RFX4: variants seen among roughly 807,000 people sequenced by gnomAD.
RFX4 encodes transcription factor RFX4.
RFX4 carries 10 observed loss-of-function variants against 95.0 expected under a neutral mutation model. That is an observed-to-expected ratio of 0.11 (90% CI 0.06 to 0.18). The LOEUF (loss-of-function observed/expected upper bound fraction) is 0.18, where lower values mean the gene tolerates loss of function less well. Ranked by LOEUF, RFX4 falls within the 10% of genes least tolerant of loss-of-function variation. RFX4 has a pLI of 1.00. For missense variants in RFX4, 640 were observed against 922.0 expected (o/e 0.69, Z 3.96); for synonymous variants, 321 against 340.7 (o/e 0.94, Z 0.64).
chr12:106,734,440 A>G (rs891394368), intron 15 of RFX4, among the ~76,000 whole-genome samples: 6 of 151,964 alleles, frequency 3.9e-5, no homozygotes, highest in African/African-American at 4.8e-5. Context: ...TACTAAAAAT[A>G]CAAAAATTAG....
intron 7 of RFX4, among the ~76,000 whole-genome samples, chr12:106,691,838 C>G (rs1359264598): frequency 1.3e-5 from 2 of 152,140 alleles, no homozygotes; most frequent in African/African-American, 2.4e-5. Context: ...ATGCCATTGA[C>G]TTATAACATT....
chr12:106,761,068 A>G (rs2043200890), intron 17 of RFX4, 129 bp from the exon 18 acceptor site: 6 of 1,000,982 alleles, frequency 6.0e-6, no homozygotes, highest in Non-Finnish European at 8.9e-6. Flanking sequence ...AAGTTCAGTG[A>G]TTCTTCTCCA....
At chr12:106,678,158 A>T (rs1468695766) in intron 4 of RFX4, among the ~76,000 whole-genome samples, 1 of 152,224 alleles carries the variant, frequency 6.6e-6, no homozygotes, top group Non-Finnish European at 1.5e-5. Context: ...CACTGATTGT[A>T]CACGTTATTG....
intron 4 of RFX4, among the ~76,000 whole-genome samples, chr12:106,655,963 C>G (rs576669240): frequency 6.6e-6 from 1 of 152,280 alleles, no homozygotes; most frequent in South Asian, 2.1e-4. Flanking sequence ...CAAATAAAAA[C>G]CCTCACCACT....
chr12:106,713,861 A>G (rs2042233590), intron 10 of RFX4, among the ~76,000 whole-genome samples: 2 of 152,030 alleles, frequency 1.3e-5, no homozygotes, highest in African/African-American at 4.8e-5. Context: ...TGAGATCAGG[A>G]GTTCAAGACC....
At chr12:106,700,681 C>CT (rs2041971641) in intron 8 of RFX4, among the ~76,000 whole-genome samples, 1 of 151,792 alleles carries the variant, frequency 6.6e-6, no homozygotes, top group African/African-American at 2.4e-5. Flanking sequence ...GCTGGGATTA[C>CT]AGGCGTGAGC....
Position 106,684,139 on chromosome 12 carries a change from C to T in RFX4, c.377+2085C>T, listed in dbSNP as rs537756282. ...CCCAGCACTTTGGGAGGCTGAGGCC[C>T]GTAGATCACTTGAGGTCAGGAGTTC... On this transcript the variant is annotated intron_variant, in intron 5 of 17. Coordinates refer to ENST00000392842, the MANE Select transcript of RFX4 (RefSeq NM_213594.3). 3.6e-4 allele frequency among the ~76,000 whole-genome samples: 55 copies of T among 152,124 alleles called. 1 individual carries two copies. In the Middle Eastern group the frequency reaches 0.01, roughly 28 times the overall value.
chr12:106,727,372 A>G (rs1440665347), intron 13 of RFX4, among the ~76,000 whole-genome samples: 1 of 152,208 alleles, frequency 6.6e-6, no homozygotes, highest in Non-Finnish European at 1.5e-5. Flanking sequence ...TGCAGCAAAC[A>G]TCACACTTAA....
At chr12:106,691,660 T>A (rs1347292391) in intron 7 of RFX4, among the ~76,000 whole-genome samples, 1 of 152,206 alleles carries the variant, frequency 6.6e-6, no homozygotes, top group African/African-American at 2.4e-5. Context: ...TAAATTATCT[T>A]GTTTGTTCAC....
At chr12:106,644,506 T>C (rs1474711875) in intron 3 of RFX4, among the ~76,000 whole-genome samples, 1 of 152,198 alleles carries the variant, frequency 6.6e-6, no homozygotes, top group African/African-American at 2.4e-5. Flanking sequence ...GTGTTGGGAT[T>C]ACAGGCATGA....
rs574799994 is a variant in RFX4, at chr12:106,762,565, T to G, written c.*1096T>G. On this transcript the variant is annotated 3_prime_UTR_variant, in exon 18 of 18. Coordinates refer to ENST00000392842, the MANE Select transcript of RFX4 (RefSeq NM_213594.3). ...TTGTGAGGTTTGTTAGAGATTAATA[T>G]AGGTTTTCTTTCTGTATTATAAAAT... 6.5e-6 allele frequency: 1 copy of G among 152,712 alleles called. No homozygotes were observed. The highest frequency in any genetic ancestry group is 2.4e-5 in the African/African-American group (1 of 41,558). The allele number at this position is 152,712 out of a possible 1,614,324, so 9.5% of individuals were successfully genotyped here.
At chr12:106,589,834 G>A (rs2039512680) in intron 1 of RFX4, among the ~76,000 whole-genome samples, 1 of 152,238 alleles carries the variant, frequency 6.6e-6, no homozygotes, top group South Asian at 2.1e-4. Flanking sequence ...CTTTAAGGGG[G>A]ATTTTAAATG....
intron 1 of RFX4, among the ~76,000 whole-genome samples, chr12:106,596,514 T>C (rs1038063811): frequency 5.9e-5 from 9 of 152,248 alleles, no homozygotes; most frequent in South Asian, 2.1e-4. Flanking sequence ...GTTCTTCCAC[T>C]GTGTTCAGTC....
At chr12:106,662,146 T>G (rs1333833279) in intron 4 of RFX4, 2 of 398,460 alleles carry the variant, frequency 5.0e-6, no homozygotes, top group Non-Finnish European at 9.9e-6. Context: ...CCAAACTGTC[T>G]TCCAAAGTGG....
intron 1 of RFX4, among the ~76,000 whole-genome samples, chr12:106,595,367 C>G (rs1222346251): frequency 6.6e-6 from 1 of 152,222 alleles, no homozygotes; most frequent in African/African-American, 2.4e-5. Flanking sequence ...CAGTCATTCC[C>G]TCATCCTGGT....
chr12:106,657,256 C>T (rs1298961361), intron 4 of RFX4, among the ~76,000 whole-genome samples: 7 of 152,178 alleles, frequency 4.6e-5, no homozygotes, highest in Admixed American at 3.9e-4. Context: ...TTAGAGCAGG[C>T]GAGGTTTAAT....
At chr12:106,599,068 C>G (rs1422746284) in intron 1 of RFX4, among the ~76,000 whole-genome samples, 3 of 152,052 alleles carry the variant, frequency 2.0e-5, no homozygotes, top group African/African-American at 4.8e-5. Flanking sequence ...GCACTGAACA[C>G]CTTAGGTTGA....
chr12:106,703,379 T>G (rs527429290), intron 8 of RFX4, among the ~76,000 whole-genome samples: 2 of 152,354 alleles, frequency 1.3e-5, no homozygotes, highest in Non-Finnish European at 2.9e-5. Flanking sequence ...GGCCACATTT[T>G]AGTCTCATCC....
rs147660318 is a variant in RFX4 at position 106,691,922 on chromosome 12, G to A, written c.669+2558G>A. ...GCCTGTAATCCCAGCACTTTGGGAG[G>A]CCGAGGTGGGCAGATCATGAGGTCA... On this transcript the variant is annotated intron_variant, in intron 7 of 17. Coordinates refer to ENST00000392842, the MANE Select transcript of RFX4 (RefSeq NM_213594.3). 8.2e-3 allele frequency among the ~76,000 whole-genome samples: 1,247 copies of A among 152,268 alleles called. 19 individuals carry two copies. Among genetic ancestry groups the A allele is most frequent in the African/African-American group, 0.028 (1,177 of 41,538 alleles).
Sources: allele counts gnomAD v4.1 joint callset (sites outside exome capture counted in the v4.1 genomes callset), GRCh38; gene constraint gnomAD v4.1.1; transcripts MANE v1.5; gene names NCBI Gene and HGNC (gene_info 2026-07-23, HGNC 2026-07-21).